The following FANCC variants were observed in gnomAD, a reference collection of about 807,000 sequenced individuals.
FANCC encodes the protein Fanconi anemia group C protein.
Under a neutral mutation model 71.3 loss-of-function variants are expected in FANCC, and 55 were observed. The observed-to-expected ratio is 0.77, with a 90% CI of 0.62 to 0.97. The LOEUF (loss-of-function observed/expected upper bound fraction) is 0.97. Among genes scored for constraint, FANCC ranks in the 50% least tolerant of loss-of-function variants. The pLI, the probability that FANCC is intolerant of heterozygous loss-of-function variation, is 0.00. For missense variants in FANCC, 678 were observed against 670.9 expected (o/e 1.01, Z -0.12); for synonymous variants, 275 against 244.9 (o/e 1.12, Z -1.15).
rs549004882 is a variant in FANCC at position 95,122,231 on chromosome 9, T to C, written c.996+2855A>G. Among the ~76,000 whole-genome samples the C allele has an allele frequency of 1.1e-3, 175 of 152,262 alleles. 1 individual carries two copies. In the South Asian group the frequency reaches 0.013, roughly 11 times the overall value. ...GCACGTGGATAGACATATATTCAGA[T>C]TATTAGATATCAGGTTTACAGATAC... On this transcript the variant is annotated intron_variant, in intron 10 of 14. Coordinates refer to ENST00000289081, the MANE Select transcript of FANCC (RefSeq NM_000136.3).
intron 4 of FANCC, among the ~76,000 whole-genome samples, chr9:95,191,740 C>T (rs1827129871): frequency 6.6e-6 from 1 of 151,994 alleles, no homozygotes; most frequent in African/African-American, 2.4e-5. Flanking sequence ...TAGATGTTAC[C>T]TTCGACTCAT....
intron 2 of FANCC, among the ~76,000 whole-genome samples, chr9:95,248,652 T>C (rs1831144629): frequency 6.6e-6 from 1 of 151,876 alleles, no homozygotes; most frequent in Non-Finnish European, 1.5e-5. Flanking sequence ...AATGAAAATA[T>C]ATTAAATTTT....
At chr9:95,299,054 A>G (rs1194545721) in intron 1 of FANCC, among the ~76,000 whole-genome samples, 2 of 152,208 alleles carry the variant, frequency 1.3e-5, no homozygotes, top group Non-Finnish European at 2.9e-5. Context: ...TTGTTTTTCT[A>G]TTTAAGTGTT....
chr9:95,241,516 T>C (rs922179404), intron 3 of FANCC, among the ~76,000 whole-genome samples: 1 of 152,094 alleles, frequency 6.6e-6, no homozygotes, highest in Non-Finnish European at 1.5e-5. Context: ...GAAACAAAAA[T>C]GGGGCCTAGA....
chr9:95,165,499 T>G (rs937544301), intron 6 of FANCC, among the ~76,000 whole-genome samples: 5 of 152,086 alleles, frequency 3.3e-5, no homozygotes, highest in Non-Finnish European at 7.4e-5. Context: ...TTCATTTTCA[T>G]TTGTCTCAAG....
chr9:95,304,871 G>A (rs1459617030), intron 1 of FANCC, among the ~76,000 whole-genome samples: 2 of 151,728 alleles, frequency 1.3e-5, no homozygotes, highest in Non-Finnish European at 1.5e-5. Flanking sequence ...CTCTGAAAAA[G>A]GTATCACCAT....
chr9:95,162,091 C>T (rs1830784275), intron 6 of FANCC, among the ~76,000 whole-genome samples: 1 of 152,228 alleles, frequency 6.6e-6, no homozygotes, highest in Non-Finnish European at 1.5e-5. Flanking sequence ...ATCCGCCTGC[C>T]TTGGCCTCCC....
At chr9:95,112,120 T>C (rs1274638267) in intron 12 of FANCC, among the ~76,000 whole-genome samples, 7 of 152,220 alleles carry the variant, frequency 4.6e-5, no homozygotes, top group Non-Finnish European at 8.8e-5. Flanking sequence ...CATGGGTGCA[T>C]CAATGCCAGA....
At chr9:95,133,782 C>T (rs919898013) in intron 8 of FANCC, among the ~76,000 whole-genome samples, 11 of 152,180 alleles carry the variant, frequency 7.2e-5, no homozygotes, top group Non-Finnish European at 1.5e-4. Flanking sequence ...AAACTGAAAT[C>T]CTAGTATGCA....
chr9:95,151,397 T>C (rs142358274), intron 6 of FANCC, among the ~76,000 whole-genome samples: 3 of 152,326 alleles, frequency 2.0e-5, no homozygotes, highest in Non-Finnish European at 4.4e-5. Context: ...ATTGTAAATA[T>C]AGAAATTTAG....
intron 7 of FANCC, among the ~76,000 whole-genome samples, chr9:95,147,301 T>C (rs892076035): frequency 6.6e-6 from 1 of 152,164 alleles, no homozygotes; most frequent in African/African-American, 2.4e-5. Flanking sequence ...GTGGATCACC[T>C]GAGGTCGGGA....
chr9:95,234,664 A>G (rs1270340462), intron 4 of FANCC, among the ~76,000 whole-genome samples: 1 of 152,186 alleles, frequency 6.6e-6, no homozygotes, highest in Non-Finnish European at 1.5e-5. Flanking sequence ...AACTGAACCA[A>G]TAAGATAGAC....
rs35239238 is a variant in FANCC at position 95,165,697 on chromosome 9, CAT to C, written c.521+5380_521+5381del. ...TGTTAAGACTTGTTCTGTGGCCTAACATGTGGTCTTTCCTACAGAATGTTCTA... is the reference window on the plus strand; with the variant it reads ...TGTTAAGACTTGTTCTGTGGCCTAACGTGGTCTTTCCTACAGAATGTTCTA... On this transcript the variant is annotated intron_variant, in intron 6 of 14. Coordinates refer to ENST00000289081, the MANE Select transcript of FANCC (RefSeq NM_000136.3). Among the ~76,000 whole-genome samples the C allele has an allele frequency of 7.8e-3, 1,193 of 152,160 alleles. 11 individuals carry two copies. The highest frequency in any genetic ancestry group is 0.012 in the Non-Finnish European group (795 of 67,910).
intron 14 of FANCC, among the ~76,000 whole-genome samples, chr9:95,103,974 G>C (rs1481563511): frequency 6.6e-6 from 1 of 152,248 alleles, no homozygotes; most frequent in Non-Finnish European, 1.5e-5. Flanking sequence ...CAGAGCCTGG[G>C]ACCAGCTGGG....
intron 4 of FANCC, among the ~76,000 whole-genome samples, chr9:95,208,890 A>G (rs1035534261): frequency 1.3e-5 from 2 of 152,178 alleles, no homozygotes; most frequent in Non-Finnish European, 2.9e-5. Context: ...ACTCCTTGAT[A>G]TTTACCCAAA....
chr9:95,240,285 T>C (rs1830562253), intron 4 of FANCC, among the ~76,000 whole-genome samples: 1 of 152,172 alleles, frequency 6.6e-6, no homozygotes, highest in Admixed American at 6.5e-5. Context: ...GAGAGAGGCA[T>C]GGAAGCATGT....
At chr9:95,293,541 A>C (rs1409911313) in intron 1 of FANCC, 5 of 1,610,458 alleles carry the variant, frequency 3.1e-6, no homozygotes, top group Admixed American at 1.7e-5. Context: ...AGAACTAGGG[A>C]ACACATGTCA....
At chr9:95,219,817 T>C (rs1829120736) in intron 4 of FANCC, among the ~76,000 whole-genome samples, 1 of 152,154 alleles carries the variant, frequency 6.6e-6, no homozygotes, top group Non-Finnish European at 1.5e-5. Flanking sequence ...AAGGACTTCA[T>C]GACTAAAACA....
intron 8 of FANCC, 48 bp downstream of exon 8, chr9:95,135,298 A>C (rs750727240): frequency 6.3e-7 from 1 of 1,579,754 alleles, no homozygotes; most frequent in South Asian, 1.1e-5. Context: ...AAATGATTCC[A>C]AGCATCTCCT....
Sources: allele counts gnomAD v4.1 joint callset (sites outside exome capture counted in the v4.1 genomes callset), GRCh38; gene constraint gnomAD v4.1.1; transcripts MANE v1.5; gene names NCBI Gene and HGNC (gene_info 2026-07-23, HGNC 2026-07-21).